DGLUCY: variants seen among roughly 807,000 people sequenced by gnomAD.
DGLUCY encodes the protein D-glutamate cyclase.
A neutral mutation model predicts 58.5 loss-of-function variants in DGLUCY; 58 were observed. The ratio of observed to expected loss-of-function variants is 0.99; its 90% confidence interval spans 0.80 to 1.23. The LOEUF is 1.23. Among genes scored for constraint, DGLUCY ranks in the 50% most tolerant of loss-of-function variants. The pLI, the probability that DGLUCY is intolerant of heterozygous loss-of-function variation, is 0.00. For missense variants in DGLUCY, 779 were observed against 784.7 expected (o/e 0.99, Z 0.09); for synonymous variants, 325 against 314.1 (o/e 1.03, Z -0.37).
intron 13 of DGLUCY, among the ~76,000 whole-genome samples, chr14:91,217,960 C>G (rs978949706): frequency 2.6e-5 from 4 of 152,164 alleles, no homozygotes; most frequent in African/African-American, 9.7e-5. Context: ...GACGAGAGAC[C>G]TGGGGCTCTG....
chr14:91,182,577 C>T (rs1156780506), intron 8 of DGLUCY, among the ~76,000 whole-genome samples: 1 of 152,182 alleles, frequency 6.6e-6, no homozygotes, highest in Non-Finnish European at 1.5e-5. Context: ...GGACTGCAGG[C>T]ATAAGCCACC....
chr14:91,160,518 A>T (rs2047923525), intron 3 of DGLUCY, 121 bp downstream of exon 3: 1 of 698,292 alleles, frequency 1.4e-6, no homozygotes, highest in African/African-American at 1.8e-5. Context: ...GGAAACAGAA[A>T]GTAAGAGCAG....
chr14:91,135,584 AG>A (rs1393095606), intron 1 of DGLUCY, among the ~76,000 whole-genome samples: 1 of 143,200 alleles, frequency 7.0e-6, no homozygotes. Context: ...TGGGAGGCAG[AG>A]GTTGCAGCGA....
At chr14:91,093,663 A>G (rs376641239) in intron 1 of DGLUCY, among the ~76,000 whole-genome samples, 2 of 151,870 alleles carry the variant, frequency 1.3e-5, no homozygotes. Context: ...AAGTGAACCA[A>G]TTGTGTTGGT....
At chr14:91,138,886 C>T (rs975499799) in intron 1 of DGLUCY, among the ~76,000 whole-genome samples, 3 of 152,056 alleles carry the variant, frequency 2.0e-5, no homozygotes, top group African/African-American at 7.2e-5. Flanking sequence ...CCTTCGAGAC[C>T]ATGAGCTCAA....
In DGLUCY at chr14:91,200,230, C is replaced by T. The variant is rs773355719; in HGVS notation, c.1444+325C>T. ...TCAGCCTCCCAAAGTGCTAGGATTA[C>T]AGGCGTGAGCCACTGTGCTCAGCCT... On this transcript the variant is annotated intron_variant, in intron 11 of 13. Coordinates refer to ENST00000256324, the MANE Select transcript of DGLUCY (RefSeq NM_001102368.3). Among the ~76,000 whole-genome samples, 3 of 152,324 alleles carry T rather than the reference C, an allele frequency of 2.0e-5. 1 individual carries two copies. Among genetic ancestry groups the T allele is most frequent in the Admixed American group, 2.0e-4 (3 of 15,294 alleles).
chr14:91,150,960 A>C (rs2047301741), intron 1 of DGLUCY, among the ~76,000 whole-genome samples: 1 of 151,966 alleles, frequency 6.6e-6, no homozygotes, highest in Non-Finnish European at 1.5e-5. Flanking sequence ...GTAACTCCCC[A>C]TTCCCCACCC....
rs1383570213 is a variant in DGLUCY, at chr14:91,224,739, G to C, written c.1772G>C (p.Gly591Ala). ...CACAAAGTCCGGAGTGGCGTCTCGGGCATCGTGGGCATGGAGGTGGATGGG... is the reference window on the plus strand; with the variant it reads ...CACAAAGTCCGGAGTGGCGTCTCGGCCATCGTGGGCATGGAGGTGGATGGG... ...VQHKVRSGVSGIVGMEVDGLP... is the reference protein window; with the variant it reads ...VQHKVRSGVSAIVGMEVDGLP... The change falls in exon 14 of 14, where the codon GGC becomes GCC. Residue 591 changes from glycine (G) to alanine (A), a missense_variant. Physicochemically the swap from Gly to Ala is moderately conservative, Grantham distance 60. Coordinates refer to ENST00000256324, the MANE Select transcript of DGLUCY (RefSeq NM_001102368.3). The C allele has an allele frequency of 6.8e-6, 11 of 1,613,552 alleles. No individual in the cohort carries two copies. The highest frequency in any genetic ancestry group is 7.6e-6 in the Non-Finnish European group (9 of 1,179,706).
At position 91,196,476 on chromosome 14, in the gene DGLUCY, T is replaced by G; in HGVS notation, c.1295+2T>G. ...AAATGGGGACCCGCAGACACCTAGG[T>G]ACGTATGTCGCATCCCAGTTTAAGT... On this transcript the variant is annotated splice_donor_variant, in intron 10 of 13. Coordinates refer to ENST00000256324, the MANE Select transcript of DGLUCY (RefSeq NM_001102368.3). LOFTEE classifies it high-confidence loss of function. The G allele has an allele frequency of 6.2e-7, 1 of 1,613,024 alleles. No homozygotes were observed. Among genetic ancestry groups the G allele is most frequent in the East Asian group, 2.2e-5 (1 of 44,872 alleles).
upstream of DGLUCY, among the ~76,000 whole-genome samples, chr14:91,103,217 C>G (rs1389717417): frequency 1.3e-5 from 2 of 152,152 alleles, no homozygotes; most frequent in Admixed American, 6.5e-5. Flanking sequence ...TCCACGCACT[C>G]CATGCTGCTC....
intron 3 of DGLUCY, among the ~76,000 whole-genome samples, chr14:91,164,868 A>G (rs1041660728): frequency 6.6e-6 from 1 of 152,224 alleles, no homozygotes; most frequent in African/African-American, 2.4e-5. Flanking sequence ...GCTCAAGGCC[A>G]TGGGGCTCTG....
At chr14:91,118,073 C>T (rs1383760795) in intron 1 of DGLUCY, among the ~76,000 whole-genome samples, 2 of 18,580 alleles carry the variant, frequency 1.1e-4, no homozygotes, top group South Asian at 8.5e-3. Context: ...TAAATTCTCC[C>T]CGCCCCCCCC....
intron 1 of DGLUCY, among the ~76,000 whole-genome samples, chr14:91,074,445 G>T (rs934269313): frequency 7.3e-5 from 11 of 151,432 alleles, no homozygotes; most frequent in African/African-American, 2.7e-4. Flanking sequence ...GGTCTCATTG[G>T]ACTCTAGCCT....
At chr14:91,196,543 CAA>C (rs1268657625) in intron 10 of DGLUCY, 69 bp downstream of exon 10, 8 of 1,309,642 alleles carry the variant, frequency 6.1e-6, no homozygotes, top group South Asian at 1.2e-5. Context: ...ACTTAGCCAA[CAA>C]AGTGTCTGCA....
intron 1 of DGLUCY, among the ~76,000 whole-genome samples, chr14:91,061,470 A>G (rs2043680876): frequency 6.6e-6 from 1 of 152,248 alleles, no homozygotes; most frequent in Non-Finnish European, 1.5e-5. Context: ...GTGTGTGTAC[A>G]CAAAAGAACT....
chr14:91,194,422 T>C (rs1044496253), intron 9 of DGLUCY, among the ~76,000 whole-genome samples: 17 of 152,104 alleles, frequency 1.1e-4, no homozygotes, highest in African/African-American at 4.1e-4. Flanking sequence ...TGCCAGCTTA[T>C]GGCTTCACAT....
chr14:91,182,719 G>A (rs915903032), intron 8 of DGLUCY, among the ~76,000 whole-genome samples: 24 of 152,038 alleles, frequency 1.6e-4, no homozygotes, highest in Admixed American at 2.6e-4. Context: ...TTACTTCTCC[G>A]GGGATCCCAG....
At chr14:91,176,176 C>T (rs779537404) in intron 7 of DGLUCY, 120 bp downstream of exon 7, 19 of 1,236,318 alleles carry the variant, frequency 1.5e-5, no homozygotes, top group Non-Finnish European at 2.1e-5. Flanking sequence ...AAACAAAACA[C>T]AAAACAGAGG....
chr14:91,217,977 C>T (rs1886844467), intron 13 of DGLUCY, among the ~76,000 whole-genome samples: 1 of 152,140 alleles, frequency 6.6e-6, no homozygotes, highest in Non-Finnish European at 1.5e-5. Context: ...TCTGAGAAGC[C>T]GATGGCTTGC....
Sources: gnomAD v4.1 joint callset for allele counts (sites outside exome capture counted in the v4.1 genomes callset) on GRCh38, gnomAD v4.1.1 for gene constraint, MANE v1.5 for transcripts, NCBI Gene and HGNC (gene_info 2026-07-23, HGNC 2026-07-21) for gene names.